Variants in TRANK1 observed in about 807,000 individuals in gnomAD.
TRANK1 encodes the protein TPR and ankyrin repeat-containing protein 1.
A neutral mutation model predicts 266.0 loss-of-function variants in TRANK1; 198 were observed. The ratio of observed to expected loss-of-function variants is 0.74; its 90% CI spans 0.66 to 0.84. The LOEUF (loss-of-function observed/expected upper bound fraction) is 0.84. TRANK1 is among the 40% of genes least tolerant of loss of function. TRANK1 has a pLI of 0.00. For missense variants in TRANK1, 3,326 were observed against 3,634.6 expected, an observed-to-expected ratio of 0.92 and a Z score of 2.18; for synonymous variants, 1,396 against 1,384.1, an observed-to-expected ratio of 1.01 and a Z score of -0.19.
chr3:36,931,601 A>T (rs548379324), intron 1 of TRANK1, among the ~76,000 whole-genome samples: 1 of 152,244 alleles, frequency 6.6e-6, no homozygotes, highest in South Asian at 2.1e-4. Context: ...ACTACTCAAG[A>T]GGCTGAGGCA....
At chr3:36,860,821 C>G in intron 11 of TRANK1, 85 bp downstream of exon 11, 1 of 1,492,912 alleles carries the variant, frequency 6.7e-7, no homozygotes, top group Non-Finnish European at 8.9e-7. Flanking sequence ...CCTCCAAAAG[C>G]AAGGGAAAGG....
chr3:36,830,827 G>A (rs2078682314), intron 22 of TRANK1, 46 bp downstream of exon 22: 2 of 1,526,942 alleles, frequency 1.3e-6, no homozygotes, highest in African/African-American at 1.4e-5. Context: ...TGTCCTCAGA[G>A]CCCAGGTCTC....
intron 1 of TRANK1, among the ~76,000 whole-genome samples, chr3:36,918,522 A>G (rs199985554): frequency 0.018 from 516 of 28,814 alleles, 64 homozygotes; most frequent in African/African-American, 0.061. Flanking sequence ...AAAGAAAGAA[A>G]GAAAGAAAGA....
chr3:36,912,207 A>G (rs1269596063), intron 1 of TRANK1, among the ~76,000 whole-genome samples: 1 of 151,816 alleles, frequency 6.6e-6, no homozygotes, highest in Non-Finnish European at 1.5e-5. Flanking sequence ...AAAAAGTGCT[A>G]TAAGGTCAGC....
Position 36,908,466 on chromosome 3 carries a change from C to T in TRANK1, c.24-12G>A, listed in dbSNP as rs1353382125. The stretch of plus-strand genomic sequence containing the variant: ...CTGTCAGGTCCATCCTGTGAGGAGA[C>T]GGGGGAGACGCTTGCTGCCAGACCC... On this transcript the variant is annotated splice_polypyrimidine_tract_variant and intron_variant, in intron 1 of 23. Coordinates refer to ENST00000645898, the MANE Select transcript of TRANK1 (RefSeq NM_001329998.2). 24 of 1,232,042 alleles carry T rather than the reference C, an allele frequency of 1.9e-5. No individual in the cohort carries two copies. Among genetic ancestry groups the T allele is most frequent in the Non-Finnish European group, 2.4e-5 (24 of 987,992 alleles). The allele number at this position is 1,232,042 out of a possible 1,614,324, so 76.3% of individuals were successfully genotyped here. A position where few individuals can be genotyped will look rare whatever the true frequency, so the allele number is the denominator to read the frequency against.
chr3:36,892,660 C>A (rs1160860229), intron 6 of TRANK1, among the ~76,000 whole-genome samples: 1 of 152,022 alleles, frequency 6.6e-6, no homozygotes, highest in Non-Finnish European at 1.5e-5. Context: ...GAAACCCCAT[C>A]TTTACCAAAA....
intron 8 of TRANK1, chr3:36,880,765 GT>G (rs1276032646): frequency 6.6e-6 from 1 of 151,530 alleles, no homozygotes; most frequent in Admixed American, 6.6e-5. Context: ...TATACTTTCA[GT>G]TTTAGGGTAC....
chr3:36,883,508 G>GT (rs1291129457), intron 8 of TRANK1, among the ~76,000 whole-genome samples: 2 of 147,310 alleles, frequency 1.4e-5, no homozygotes, highest in African/African-American at 5.0e-5. Flanking sequence ...GTGCCAAAGA[G>GT]TATCTATATA....
At chr3:36,885,468 A>T (rs752149356) in intron 8 of TRANK1, among the ~76,000 whole-genome samples, 1 of 152,244 alleles carries the variant, frequency 6.6e-6, no homozygotes, top group African/African-American at 2.4e-5. Context: ...CATGAAAACT[A>T]AATGCAATGT....
Position 36,856,383 on chromosome 3 carries a change from G to A in TRANK1, c.3339C>T (p.Val1113=). 1 of 1,597,420 alleles carries A rather than the reference G, an allele frequency of 6.3e-7. No homozygotes were observed. Among genetic ancestry groups the A allele is most frequent in the Non-Finnish European group, 8.5e-7 (1 of 1,171,740 alleles). The change falls in exon 13 of 24, where the codon GTC becomes GTT. Residue 1113 remains valine, a synonymous_variant. Transcript: ENST00000645898. ...QAGSPLLAKQ[V]WLKRRLEVEP... ...CCACTTCCAACCTTCTCTTCAGCCAGACCTGTTTGGCCAGCAATGGGCTTC... is the reference window on the plus strand; with the variant it reads ...CCACTTCCAACCTTCTCTTCAGCCAAACCTGTTTGGCCAGCAATGGGCTTC...
chr3:36,837,293 T>A (rs961362512), intron 20 of TRANK1, among the ~76,000 whole-genome samples: 8 of 152,122 alleles, frequency 5.3e-5, no homozygotes, highest in African/African-American at 1.9e-4. Context: ...TTCTCCCACA[T>A]CTTAAGAAGT....
At chr3:36,904,577 AC>A (rs2079934688) in intron 2 of TRANK1, among the ~76,000 whole-genome samples, 1 of 152,206 alleles carries the variant, frequency 6.6e-6, no homozygotes, top group African/African-American at 2.4e-5. Context: ...GTAGAATAAT[AC>A]AAAAATCACT....
Position 36,833,779 on chromosome 3 carries a change from T to G in TRANK1, c.5804A>C (p.Asp1935Ala). The G allele has an allele frequency of 1.2e-6, 2 of 1,614,034 alleles. No individual in the cohort carries two copies. The highest frequency in any genetic ancestry group is 1.7e-6 in the Non-Finnish European group (2 of 1,179,896). ...CAAGAACACCAGCTGGTCTTCTATGTCTAGCTTTGAGAGGACAGCCATCAT... is the reference window on the plus strand; with the variant it reads ...CAAGAACACCAGCTGGTCTTCTATGGCTAGCTTTGAGAGGACAGCCATCAT... ...KEMMAVLSKL[D>A]IEDQLVFLKS... Residue 1935 changes from aspartate to alanine, a missense_variant, in exon 22 of 24, where the codon GAC becomes GCC. Coordinates refer to ENST00000645898, the MANE Select transcript of TRANK1 (RefSeq NM_001329998.2).
intron 13 of TRANK1, among the ~76,000 whole-genome samples, chr3:36,854,112 G>A (rs2079019017): frequency 6.6e-6 from 1 of 152,154 alleles, no homozygotes. Flanking sequence ...TGTAATCCCA[G>A]CACTTTGGGA....
chr3:36,929,944 T>C (rs575407681), intron 1 of TRANK1, among the ~76,000 whole-genome samples: 1 of 151,670 alleles, frequency 6.6e-6, no homozygotes, highest in East Asian at 1.9e-4. Flanking sequence ...TTCACTCTTG[T>C]TGCCCAGGCT....
chr3:36,899,434 C>T (rs763411796), intron 3 of TRANK1, among the ~76,000 whole-genome samples, 175 bp from the exon 4 acceptor site: 3 of 152,224 alleles, frequency 2.0e-5, no homozygotes, highest in East Asian at 3.9e-4. Flanking sequence ...GCAGGAGGAT[C>T]GCTTGAGCTC....
chr3:36,834,317 G>C (rs2078738597), intron 21 of TRANK1: 2 of 191,410 alleles, frequency 1.0e-5, no homozygotes, highest in Non-Finnish European at 2.1e-5. Flanking sequence ...TGTTCAGTTT[G>C]ATAAAATGAG....
intron 21 of TRANK1, 41 bp from the exon 22 acceptor site, chr3:36,833,960 C>G (rs758556713): frequency 2.6e-6 from 4 of 1,535,856 alleles, no homozygotes; most frequent in Non-Finnish European, 3.5e-6. Context: ...TGCCATCACC[C>G]AATCAATAGA....
intron 1 of TRANK1, among the ~76,000 whole-genome samples, chr3:36,940,405 C>G (rs1001183146): frequency 6.6e-6 from 1 of 151,434 alleles, no homozygotes; most frequent in African/African-American, 2.4e-5. Context: ...GAGGCTGAGG[C>G]AGGAGAATGG....
Sources: allele counts gnomAD v4.1 joint callset (sites outside exome capture counted in the v4.1 genomes callset), GRCh38; gene constraint gnomAD v4.1.1; transcripts MANE v1.5; gene names NCBI Gene and HGNC (gene_info 2026-07-23, HGNC 2026-07-21).